The following SDK1 variants were observed in gnomAD, a reference collection of about 807,000 sequenced individuals.
SDK1 encodes the protein sidekick cell adhesion molecule 1.
A neutral mutation model predicts 245.5 loss-of-function variants in SDK1; 157 were observed. That is an observed-to-expected ratio of 0.64 (90% CI 0.56 to 0.73). SDK1 has a LOEUF of 0.73. SDK1 is among the 30% of genes least tolerant of loss of function. SDK1 has a pLI of 0.00. For missense variants in SDK1, 3,583 were observed against 3,002.3 expected (o/e 1.19, Z -4.52); for synonymous variants, 1,647 against 1,278.5 (o/e 1.29, Z -6.15).
At chr7:3,584,816 C>T (rs1183290841) in intron 1 of SDK1, among the ~76,000 whole-genome samples, 1 of 151,832 alleles carries the variant, frequency 6.6e-6, no homozygotes, top group African/African-American at 2.4e-5. Context: ...CTCCGCCTCC[C>T]GGGTTCACGC....
At chr7:3,340,728 A>T (rs1583706851) in intron 1 of SDK1, among the ~76,000 whole-genome samples, 1 of 147,386 alleles carries the variant, frequency 6.8e-6, no homozygotes, top group Admixed American at 7.1e-5. Flanking sequence ...GGACCACTGC[A>T]CTCCCTGGAG....
Position 4,265,363 on chromosome 7 carries a change from C to A in SDK1, c.6621C>A (p.Thr2207=), listed in dbSNP as rs750793574. The change falls in exon 45 of 45, where the codon ACC becomes ACA. Residue 2207 remains threonine, a synonymous_variant. Transcript: ENST00000404826. Reference sequence around the variant, plus strand: ...GCCCCGGCGCGCGAACTCCGCTCACCGGCTTCTCCTCCTTCGTGTGAGCAA... The same window carrying A: ...GCCCCGGCGCGCGAACTCCGCTCACAGGCTTCTCCTCCTTCGTGTGAGCAA... ...PAGPGARTPL[T]GFSSFV 6.2e-6 allele frequency: 9 copies of A among 1,450,254 alleles called. No individual in the cohort carries two copies. Among genetic ancestry groups the A allele is most frequent in the East Asian group, 5.2e-5 (2 of 38,816 alleles). The allele number at this position is 1,450,254 out of a possible 1,614,324, so 89.8% of individuals were successfully genotyped here.
chr7:4,221,513 C>A, intron 40 of SDK1, 149 bp downstream of exon 40: 1 of 928,658 alleles, frequency 1.1e-6, no homozygotes, highest in Non-Finnish European at 1.6e-6. Context: ...AAGAAGACAT[C>A]CATGGCTCAC....
chr7:4,214,978 C>G (rs972262729), intron 38 of SDK1, among the ~76,000 whole-genome samples: 2 of 152,246 alleles, frequency 1.3e-5, no homozygotes. Context: ...CTCAGCAACC[C>G]TGCCCCCCAG....
chr7:3,815,627 A>G (rs1288243407), intron 4 of SDK1, among the ~76,000 whole-genome samples: 1 of 150,060 alleles, frequency 6.7e-6, no homozygotes, highest in Non-Finnish European at 1.5e-5. Flanking sequence ...TGCTGGCCTC[A>G]TAAAATGAGT....
chr7:3,509,332 CT>C (rs776101254), intron 1 of SDK1, among the ~76,000 whole-genome samples: 12 of 152,092 alleles, frequency 7.9e-5, no homozygotes, highest in Non-Finnish European at 1.5e-4. Flanking sequence ...GGAGCCGGAG[CT>C]GCTTGGGTTT....
At chr7:3,744,215 C>G (rs1779552441) in intron 4 of SDK1, among the ~76,000 whole-genome samples, 1 of 152,008 alleles carries the variant, frequency 6.6e-6, no homozygotes, top group African/African-American at 2.4e-5. Context: ...AAGAAAGGTC[C>G]TCTTCATCCA....
At chr7:4,165,863 T>C (rs1781467182) in intron 32 of SDK1, among the ~76,000 whole-genome samples, 1 of 152,038 alleles carries the variant, frequency 6.6e-6, no homozygotes, top group Non-Finnish European at 1.5e-5. Context: ...CATAGCTCAT[T>C]GTAGCCTCCA....
At chr7:3,380,824 T>C (rs1781468667) in intron 1 of SDK1, among the ~76,000 whole-genome samples, 1 of 152,150 alleles carries the variant, frequency 6.6e-6, no homozygotes, top group Non-Finnish European at 1.5e-5. Flanking sequence ...TTTTATTTTT[T>C]ATCAGAAAAA....
At chr7:3,723,943 T>G (rs200104867) in intron 4 of SDK1, among the ~76,000 whole-genome samples, 6,973 of 89,632 alleles carry the variant, frequency 0.078, 538 homozygotes, top group South Asian at 0.15. Flanking sequence ...TATATATATA[T>G]AGAGAGAGAG....
intron 1 of SDK1, among the ~76,000 whole-genome samples, chr7:3,420,268 GTTGT>G (rs1179454556): frequency 6.6e-6 from 1 of 152,204 alleles, no homozygotes; most frequent in Non-Finnish European, 1.5e-5. Context: ...ATTTGAAAGT[GTTGT>G]TTAACAGAAA....
chr7:3,704,978 G>A (rs1166447739), intron 4 of SDK1, among the ~76,000 whole-genome samples: 1 of 152,130 alleles, frequency 6.6e-6, no homozygotes, highest in Admixed American at 6.5e-5. Context: ...TGCGTGCTTT[G>A]TCAAAGATCA....
At chr7:4,186,111 G>T (rs548841774) in intron 35 of SDK1, among the ~76,000 whole-genome samples, 1 of 152,218 alleles carries the variant, frequency 6.6e-6, no homozygotes, top group Non-Finnish European at 1.5e-5. Context: ...AAAACAAAAC[G>T]AAACAAAATA....
chr7:3,736,736 C>A (rs1779327832), intron 4 of SDK1, among the ~76,000 whole-genome samples: 1 of 152,108 alleles, frequency 6.6e-6, no homozygotes, highest in East Asian at 1.9e-4. Context: ...ATATTATTAT[C>A]AAAATTAAGT....
At chr7:4,157,460 G>A (rs200220368) in intron 30 of SDK1, among the ~76,000 whole-genome samples, 1 of 28,596 alleles carries the variant, frequency 3.5e-5, no homozygotes, top group Non-Finnish European at 6.5e-5. Context: ...GGAGGTGGAA[G>A]GGAGAGAAGG....
At chr7:4,256,996 A>G (rs1184467263) in intron 44 of SDK1, among the ~76,000 whole-genome samples, 1 of 152,230 alleles carries the variant, frequency 6.6e-6, no homozygotes, top group Non-Finnish European at 1.5e-5. Context: ...CACACGACGC[A>G]TGCTGTGGCT....
intron 1 of SDK1, among the ~76,000 whole-genome samples, chr7:3,383,025 C>G (rs1487404530): frequency 6.6e-6 from 1 of 152,128 alleles, no homozygotes; most frequent in Non-Finnish European, 1.5e-5. Context: ...ATATTACTAG[C>G]AAATCACCCA....
intron 40 of SDK1, among the ~76,000 whole-genome samples, chr7:4,230,525 TGGAA>T (rs1305521623): frequency 2.8e-5 from 4 of 142,596 alleles, no homozygotes; most frequent in Non-Finnish European, 6.1e-5. Context: ...CATGGATGAA[TGGAA>T]GGAAGGAAGG....
intron 5 of SDK1, among the ~76,000 whole-genome samples, chr7:3,886,658 T>C (rs1291858249): frequency 3.3e-5 from 5 of 152,244 alleles, no homozygotes; most frequent in African/African-American, 1.2e-4. Flanking sequence ...GTAACACCTG[T>C]AGTCCCAGCA....
Sources: gnomAD v4.1 joint callset for allele counts (sites outside exome capture counted in the v4.1 genomes callset) on GRCh38, gnomAD v4.1.1 for gene constraint, MANE v1.5 for transcripts, NCBI Gene and HGNC (gene_info 2026-07-23, HGNC 2026-07-21) for gene names.